Variants in FOXP1 observed in about 807,000 individuals in gnomAD.
FOXP1 encodes forkhead box P1.
In FOXP1, 15 loss-of-function variants were observed where a neutral mutation model predicts 98.2. The ratio of observed to expected loss-of-function variants is 0.15; its 90% CI spans 0.10 to 0.24. FOXP1 has a LOEUF of 0.24. Among genes scored for constraint, FOXP1 ranks in the 10% least tolerant of loss-of-function variants. The pLI, the probability that FOXP1 is intolerant of heterozygous loss-of-function variation, is 1.00. For synonymous variants in FOXP1, 371 were observed against 314.5 expected, an observed-to-expected ratio of 1.18 and a Z score of -1.90; for missense variants, 633 against 848.5, an observed-to-expected ratio of 0.75 and a Z score of 3.15.
At chr3:71,224,260 T>C (rs1241939979) in intron 5 of FOXP1, among the ~76,000 whole-genome samples, 1 of 152,150 alleles carries the variant, frequency 6.6e-6, no homozygotes, top group Non-Finnish European at 1.5e-5. Flanking sequence ...ACGTCTAGGA[T>C]GCAGAACTGC....
chr3:71,532,125 G>C (rs1040532644), intron 2 of FOXP1, among the ~76,000 whole-genome samples: 4 of 152,056 alleles, frequency 2.6e-5, no homozygotes, highest in Admixed American at 1.3e-4. Flanking sequence ...TTTGAGACAG[G>C]GTCTCACTGT....
At chr3:71,422,615 G>GT (rs1311027670) in intron 3 of FOXP1, among the ~76,000 whole-genome samples, 1 of 152,218 alleles carries the variant, frequency 6.6e-6, no homozygotes, top group African/African-American at 2.4e-5. Flanking sequence ...AATCTGAAGT[G>GT]TGGGGAAATA....
chr3:71,397,635 C>T (rs1297289060), intron 3 of FOXP1, among the ~76,000 whole-genome samples: 2 of 152,202 alleles, frequency 1.3e-5, no homozygotes, highest in East Asian at 3.8e-4. Flanking sequence ...GCTATCAAGT[C>T]TGCAGTACTA....
At chr3:71,209,259 G>A (rs1421890404) in intron 5 of FOXP1, among the ~76,000 whole-genome samples, 5 of 152,178 alleles carry the variant, frequency 3.3e-5, no homozygotes, top group African/African-American at 1.2e-4. Context: ...TTTGAAAACA[G>A]CTTTAAAACA....
chr3:71,369,339 G>A (rs1034803179), intron 3 of FOXP1, among the ~76,000 whole-genome samples: 1 of 151,958 alleles, frequency 6.6e-6, no homozygotes, highest in African/African-American at 2.4e-5. Flanking sequence ...GCAGTGAGCC[G>A]AGATCACTCC....
chr3:71,046,358 C>T lies in FOXP1; in HGVS notation c.664+584G>A, dbSNP rs77718225. Among the ~76,000 whole-genome samples, 177 of 152,096 alleles carry T rather than the reference C, an allele frequency of 1.2e-3. 1 individual carries two copies. Among genetic ancestry groups the T allele is most frequent in the South Asian group, 1.5e-3 (7 of 4,818 alleles). ...GAGGAACTGGAGATGGAAGTGGTAC[C>T]TGTTCTGATGAGTGTAGAACTAATT... is the stretch of plus-strand genomic sequence containing the variant. On this transcript the variant is annotated intron_variant, in intron 10 of 20. Transcript: ENST00000649528.
At chr3:71,170,342 G>C (rs1056574295) in intron 6 of FOXP1, among the ~76,000 whole-genome samples, 1 of 152,192 alleles carries the variant, frequency 6.6e-6, no homozygotes, top group African/African-American at 2.4e-5. Flanking sequence ...GTCAAATCAA[G>C]CTTTCAGGCA....
chr3:70,982,810 A>G (rs1305879338), intron 14 of FOXP1, among the ~76,000 whole-genome samples: 1 of 152,206 alleles, frequency 6.6e-6, no homozygotes, highest in Admixed American at 6.5e-5. Context: ...AACCCCTGAC[A>G]GAAACAGACT....
At chr3:71,166,482 A>G (rs2061406250) in intron 6 of FOXP1, among the ~76,000 whole-genome samples, 1 of 152,228 alleles carries the variant, frequency 6.6e-6, no homozygotes, top group Non-Finnish European at 1.5e-5. Flanking sequence ...GGAATTTAGT[A>G]AAAAGTTTAA....
intron 4 of FOXP1, among the ~76,000 whole-genome samples, chr3:71,354,222 G>A (rs1044278339): frequency 6.6e-6 from 1 of 151,292 alleles, no homozygotes; most frequent in Non-Finnish European, 1.5e-5. Context: ...AGGTTATGGT[G>A]AGCTGAGATT....
chr3:71,192,943 C>T (rs539178353), intron 6 of FOXP1, among the ~76,000 whole-genome samples: 5 of 152,142 alleles, frequency 3.3e-5, no homozygotes, highest in Admixed American at 2.0e-4. Context: ...AGACACTGCA[C>T]GCAGCCTGCT....
chr3:71,416,590 A>G (rs555852306), intron 3 of FOXP1, among the ~76,000 whole-genome samples: 101 of 147,338 alleles, frequency 6.9e-4, no homozygotes, highest in African/African-American at 1.3e-3. Flanking sequence ...ACACACACAC[A>G]CACGCAAAAA....
chr3:71,307,199 T>C (rs1437615927), intron 4 of FOXP1, among the ~76,000 whole-genome samples: 1 of 152,222 alleles, frequency 6.6e-6, no homozygotes, highest in East Asian at 1.9e-4. Context: ...ATATTATTAC[T>C]GTATTTGGAC....
chr3:71,411,903 G>A (rs2082778849), intron 3 of FOXP1, among the ~76,000 whole-genome samples: 1 of 152,144 alleles, frequency 6.6e-6, no homozygotes, highest in Non-Finnish European at 1.5e-5. Flanking sequence ...CCCATCCACC[G>A]ACTGAGACGT....
chr3:71,459,960 G>T (rs2087877914), intron 3 of FOXP1, among the ~76,000 whole-genome samples: 1 of 148,836 alleles, frequency 6.7e-6, no homozygotes, highest in Non-Finnish European at 1.5e-5. Flanking sequence ...TTAAGATGGA[G>T]TCTCACTCTG....
chr3:71,075,080 G>A (rs2053657347), intron 7 of FOXP1, among the ~76,000 whole-genome samples: 1 of 152,328 alleles, frequency 6.6e-6, no homozygotes, highest in Non-Finnish European at 1.5e-5. Context: ...CATCAGGGTG[G>A]TGGAGCTTAT....
chr3:71,040,080 GGTGT>G (rs111790256), intron 11 of FOXP1, among the ~76,000 whole-genome samples: 4,997 of 147,882 alleles, frequency 0.034, 275 homozygotes, highest in African/African-American at 0.12. Context: ...ACTTGAACAT[GGTGT>G]GTGTGTGTGT....
Position 71,198,183 on chromosome 3 carries a change from A to G in FOXP1, c.180+19T>C, listed in dbSNP as rs1480356390. ...TCGCACCCACCACCTCCACCTCCCAAGACTCCAAAGCCCAGTACCTGTTGC... is the reference window on the plus strand; with the variant it reads ...TCGCACCCACCACCTCCACCTCCCAGGACTCCAAAGCCCAGTACCTGTTGC... On this transcript the variant is annotated intron_variant, in intron 6 of 20. Coordinates refer to ENST00000649528, the MANE Select transcript of FOXP1 (RefSeq NM_001349338.3). The G allele has an allele frequency of 6.2e-7, 1 of 1,614,032 alleles. No homozygotes were observed. Among genetic ancestry groups the G allele is most frequent in the East Asian group, 2.2e-5 (1 of 44,882 alleles).
chr3:71,021,556 G>C lies in FOXP1; in HGVS notation c.870-5903C>G, dbSNP rs150610021. 3.9e-5 allele frequency among the ~76,000 whole-genome samples: 6 copies of C among 152,264 alleles called. No homozygotes were observed. In the East Asian group the frequency reaches 1.2e-3, roughly 29 times the overall value. On this transcript the variant is annotated intron_variant, in intron 11 of 20. Coordinates refer to ENST00000649528, the MANE Select transcript of FOXP1 (RefSeq NM_001349338.3). Reference sequence around the variant, plus strand: ...TTCAATTTTAGGGGATATCTACCTAGAAGTTGAATTGCTGGGTCCTATGGT... The same window carrying C: ...TTCAATTTTAGGGGATATCTACCTACAAGTTGAATTGCTGGGTCCTATGGT...
Sources: gnomAD v4.1 joint callset for allele counts (sites outside exome capture counted in the v4.1 genomes callset) on GRCh38, gnomAD v4.1.1 for gene constraint, MANE v1.5 for transcripts, NCBI Gene and HGNC (gene_info 2026-07-23, HGNC 2026-07-21) for gene names.